The following FREM3 variants were observed in gnomAD, a reference collection of about 807,000 sequenced individuals.
The protein encoded by FREM3 is FRAS1-related extracellular matrix protein 3.
Under a neutral mutation model 129.1 loss-of-function variants are expected in FREM3, and 105 were observed. The ratio of observed to expected loss-of-function variants is 0.81; its 90% CI spans 0.69 to 0.96. The LOEUF is 0.96. Ranked by LOEUF, FREM3 falls within the 40% of genes least tolerant of loss-of-function variation. The pLI is 0.00. For synonymous variants in FREM3, 1,014 were observed against 1,044.9 expected (o/e 0.97, Z 0.57); for missense variants, 2,593 against 2,666.3 (o/e 0.97, Z 0.61).
chr4:143,669,261 C>T (rs1739922296), intron 2 of FREM3, among the ~76,000 whole-genome samples: 1 of 152,134 alleles, frequency 6.6e-6, no homozygotes, highest in African/African-American at 2.4e-5. Context: ...TCACACAGAT[C>T]ATAACTCTAT....
In FREM3 at chr4:143,677,501, A is replaced by C. The variant is rs191513865; in HGVS notation, c.5275+15612T>G. On this transcript the variant is annotated intron_variant, in intron 2 of 7. Coordinates refer to ENST00000329798, the MANE Select transcript of FREM3 (RefSeq NM_001168235.2). ...GGCATGGGCAAGGACTTCATGTCTG[A>C]AACACCAAAAGCAATGGCAACAGAA... 2.1e-3 allele frequency among the ~76,000 whole-genome samples: 313 copies of C among 152,366 alleles called. 2 individuals are homozygous for C. Among genetic ancestry groups the C allele is most frequent in the African/African-American group, 7.4e-3 (306 of 41,590 alleles).
rs190273547 is a variant in FREM3, at chr4:143,621,087, C to T, written c.5729G>A (p.Arg1910Gln). ...DIGELLIPVR[R>Q]SGDASQELIV... is the part of the protein sequence containing the mutation. Reference sequence around the variant, plus strand: ...TAGTTCCTGGCTTGCATCTCCAGATCGTCTTACTGGAATCAAAAGTTCCCC... The same window carrying T: ...TAGTTCCTGGCTTGCATCTCCAGATTGTCTTACTGGAATCAAAAGTTCCCC... Residue 1910 changes from arginine (R) to glutamine (Q), a missense_variant, in exon 5 of 8, where the codon CGA becomes CAA. This residue lies in a region of FREM3 where 317 missense variants were observed against 399.0 expected (regional missense o/e 0.79). Coordinates refer to ENST00000329798, the MANE Select transcript of FREM3 (RefSeq NM_001168235.2). 149 of 1,537,046 alleles carry T rather than the reference C, an allele frequency of 9.7e-5. No individual in the cohort carries two copies. In the East Asian group the frequency reaches 2.9e-3, roughly 30 times the overall value.
chr4:143,653,278 T>C (rs1198978718), intron 2 of FREM3, among the ~76,000 whole-genome samples: 1 of 152,246 alleles, frequency 6.6e-6, no homozygotes, highest in Admixed American at 6.5e-5. Flanking sequence ...CATTCTCATC[T>C]GGGACCTCAA....
chr4:143,617,185 G>A (rs1049991359), intron 5 of FREM3, among the ~76,000 whole-genome samples: 6 of 152,038 alleles, frequency 3.9e-5, no homozygotes, highest in African/African-American at 7.3e-5. Context: ...GAATCTTTGC[G>A]CTTAAAACAT....
At chr4:143,636,190 A>C (rs978162783) in intron 2 of FREM3, among the ~76,000 whole-genome samples, 1 of 151,668 alleles carries the variant, frequency 6.6e-6, no homozygotes, top group African/African-American at 2.4e-5. Flanking sequence ...ACATAGAATA[A>C]AATTGATGTC....
intron 6 of FREM3, among the ~76,000 whole-genome samples, chr4:143,597,901 A>G (rs1231091076): frequency 6.6e-6 from 1 of 152,246 alleles, no homozygotes; most frequent in African/African-American, 2.4e-5. Context: ...AGTTCTGGAG[A>G]CTTGGAAGTC....
intron 5 of FREM3, among the ~76,000 whole-genome samples, chr4:143,612,537 G>A (rs115266262): frequency 1.4e-4 from 22 of 152,306 alleles, no homozygotes; most frequent in Non-Finnish European, 2.9e-4. Context: ...TCAAGTACGA[G>A]TCTTTGAGTG....
rs546008201 is a variant in FREM3 at position 143,694,417 on chromosome 4, A to AT, written c.5185+1073dup. Among the ~76,000 whole-genome samples, 60 of 152,080 alleles carry AT rather than the reference A, an allele frequency of 3.9e-4. 1 individual carries two copies. Among genetic ancestry groups the AT allele is most frequent in the African/African-American group, 1.1e-3 (46 of 41,472 alleles). ...AAAAGAAAATGAGAATAAAATCATG[A>AT]TTTTTTTTCCTATTGGCTATTCTCT... On this transcript the variant is annotated intron_variant, in intron 1 of 7. Coordinates refer to ENST00000329798, the MANE Select transcript of FREM3 (RefSeq NM_001168235.2).
At chr4:143,607,971 C>CTCCAG in intron 6 of FREM3, among the ~76,000 whole-genome samples, 1 of 152,064 alleles carries the variant, frequency 6.6e-6, no homozygotes, top group African/African-American at 2.4e-5. Context: ...GGCTTGTGGC[C>CTCCAG]CTTTCCTCCA....
rs571659307 is a variant in FREM3, at chr4:143,677,636, T to G, written c.5275+15477A>C. ...ACAGAATGGGAGAAAAATTTTGCAA[T>G]CTACTCATCTGACAAAGGGCTAATA... On this transcript the variant is annotated intron_variant, in intron 2 of 7. Coordinates refer to ENST00000329798, the MANE Select transcript of FREM3 (RefSeq NM_001168235.2). Among the ~76,000 whole-genome samples, 165 of 152,228 alleles carry G rather than the reference T, an allele frequency of 1.1e-3. 1 individual carries two copies. The South Asian group carries it at 0.024, about 23-fold the overall frequency.
At chr4:143,671,133 G>A (rs79753544) in intron 2 of FREM3, among the ~76,000 whole-genome samples, 1,773 of 152,094 alleles carry the variant, frequency 0.012, 12 homozygotes, top group Middle Eastern at 0.024. Flanking sequence ...ATCACAAAAT[G>A]AACTTGAAAT....
At chr4:143,609,793 C>A (rs766673721) in intron 6 of FREM3, among the ~76,000 whole-genome samples, 2 of 152,164 alleles carry the variant, frequency 1.3e-5, no homozygotes, top group Non-Finnish European at 2.9e-5. Context: ...CTCAACCAGA[C>A]AAATTTACTC....
At chr4:143,690,890 G>A (rs1373085404) in intron 2 of FREM3, among the ~76,000 whole-genome samples, 1 of 152,166 alleles carries the variant, frequency 6.6e-6, no homozygotes, top group African/African-American at 2.4e-5. Flanking sequence ...GCACATGCCT[G>A]TAGTACCAGC....
At chr4:143,642,294 A>G (rs1739334010) in intron 2 of FREM3, among the ~76,000 whole-genome samples, 1 of 152,184 alleles carries the variant, frequency 6.6e-6, no homozygotes, top group African/African-American at 2.4e-5. Flanking sequence ...TTCACAGAAG[A>G]GATAACAATA....
chr4:143,600,156 A>G (rs910550539), intron 6 of FREM3, among the ~76,000 whole-genome samples: 9 of 152,206 alleles, frequency 5.9e-5, no homozygotes, highest in African/African-American at 1.7e-4. Context: ...GCTAGCATAA[A>G]AAGGAACAAA....
At chr4:143,674,854 T>C (rs1353871000) in intron 2 of FREM3, among the ~76,000 whole-genome samples, 2 of 152,178 alleles carry the variant, frequency 1.3e-5, no homozygotes, top group Non-Finnish European at 2.9e-5. Context: ...GTCCTAAATA[T>C]ATATTCACCC....
chr4:143,623,618 A>G (rs1323121367), intron 4 of FREM3, among the ~76,000 whole-genome samples: 1 of 151,842 alleles, frequency 6.6e-6, no homozygotes, highest in South Asian at 2.1e-4. Context: ...TGCTGAAAGA[A>G]TGAATACAAA....
chr4:143,583,852 A>G (rs377218469), intron 7 of FREM3, among the ~76,000 whole-genome samples: 2 of 152,198 alleles, frequency 1.3e-5, no homozygotes, highest in East Asian at 3.9e-4. Context: ...CACCACAAAA[A>G]CACACTTAAG....
rs557967350 is a variant in FREM3 at position 143,594,884 on chromosome 4, C to T, written c.6029-8891G>A. Among the ~76,000 whole-genome samples, 7 of 152,268 alleles carry T rather than the reference C, an allele frequency of 4.6e-5. 1 individual carries two copies. The South Asian group carries it at 1.4e-3, about 32-fold the overall frequency. ...CTTTACCTTAGCTCTGTCTGAGAAA[C>T]TGAGATGCTAGCAGTGATTCTAAAG... is the stretch of plus-strand genomic sequence containing the variant. On this transcript the variant is annotated intron_variant, in intron 6 of 7. Coordinates refer to ENST00000329798, the MANE Select transcript of FREM3 (RefSeq NM_001168235.2).
Sources: gnomAD v4.1 joint callset for allele counts (sites outside exome capture counted in the v4.1 genomes callset) on GRCh38, gnomAD v4.1.1 for gene constraint, gnomAD v4.1.1 regional missense constraint, MANE v1.5 for transcripts, NCBI Gene and HGNC (gene_info 2026-07-23, HGNC 2026-07-21) for gene names.